MEX3C: variants seen among roughly 807,000 people sequenced by gnomAD.
MEX3C encodes the protein RNA-binding E3 ubiquitin-protein ligase MEX3C.
MEX3C carries 15 observed loss-of-function variants against 35.5 expected under a neutral mutation model. The ratio of observed to expected loss-of-function variants is 0.42; its 90% CI spans 0.28 to 0.65. The LOEUF (loss-of-function observed/expected upper bound fraction) is 0.65, where lower values mean the gene tolerates loss of function less well. Ranked by LOEUF, MEX3C falls within the 30% of genes least tolerant of loss-of-function variation. The probability of loss-of-function intolerance (pLI) is 0.20; values close to 1 mark genes in which losing one functional copy is unlikely to be tolerated. For synonymous variants in MEX3C, 390 were observed against 352.8 expected (o/e 1.11, Z -1.18); for missense variants, 711 against 842.8 (o/e 0.84, Z 1.94).
chr18:51,183,728 CT>C (rs1442423081), intron 1 of MEX3C, among the ~76,000 whole-genome samples: 1 of 152,136 alleles, frequency 6.6e-6, no homozygotes, highest in Non-Finnish European at 1.5e-5. Flanking sequence ...GCCTGTAATC[CT>C]AGCACTTTGG....
chr18:51,189,470 G>C (rs374452694), intron 1 of MEX3C, among the ~76,000 whole-genome samples: 1 of 152,140 alleles, frequency 6.6e-6, no homozygotes, highest in East Asian at 1.9e-4. Context: ...AATATTTCTA[G>C]TGTATTTTTA....
intron 1 of MEX3C, among the ~76,000 whole-genome samples, chr18:51,179,671 G>C (rs996956603): frequency 6.6e-6 from 1 of 152,198 alleles, no homozygotes; most frequent in Non-Finnish European, 1.5e-5. Flanking sequence ...TTCTACAACA[G>C]AAAATCAGTT....
At chr18:51,193,839 C>T (rs2144559621) in intron 1 of MEX3C, 1 of 152,326 alleles carries the variant, frequency 6.6e-6, no homozygotes, top group Middle Eastern at 3.4e-3. Flanking sequence ...AGGCCATCTA[C>T]ATGAGTTGCT....
At chr18:51,193,541 A>T (rs2027696) in intron 1 of MEX3C, 2 of 152,100 alleles carry the variant, frequency 1.3e-5, no homozygotes, top group African/African-American at 4.8e-5. Context: ...AAAAACAGAG[A>T]CGTTCTAAGT....
At position 51,196,848 on chromosome 18, in the gene MEX3C, G is replaced by T. The variant is rs1468174159; in HGVS notation, c.473C>A (p.Pro158Gln). The T allele has an allele frequency of 6.5e-7, 1 of 1,537,938 alleles. No individual in the cohort carries two copies. Reference sequence around the variant, plus strand: ...CAGCACAGACCCCAGGGACCCGCCCGGGATCTGCTGGGTCTGAGAGGCGGT... The same window carrying T: ...CAGCACAGACCCCAGGGACCCGCCCTGGATCTGCTGGGTCTGAGAGGCGGT... ...AATASQTQQI[P>Q]GGSLGSVLLP... The change falls in exon 1 of 2, where the codon CCG becomes CAG. Residue 158 changes from proline (P) to glutamine (Q), a missense_variant. Transcript: ENST00000406189.
Position 51,196,781 on chromosome 18 carries a change from CGCG to C in MEX3C, c.537_539del (p.Ala184del). On this transcript the variant is annotated inframe_deletion, in exon 1 of 2. Transcript: ENST00000406189. ...CGTACAGCACCCCCGCCGCCGCCGC[CGCG>C]GCCGCCGCCTCCCGGGCATCGAACC... The C allele has an allele frequency of 5.7e-6, 3 of 525,554 alleles. No individual in the cohort carries two copies. The highest frequency in any genetic ancestry group is 3.0e-5 in the South Asian group (1 of 33,580). The allele number at this position is 525,554 out of a possible 1,614,324, so 32.6% of individuals were successfully genotyped here.
At chr18:51,186,069 T>C (rs932340767) in intron 1 of MEX3C, among the ~76,000 whole-genome samples, 2 of 152,146 alleles carry the variant, frequency 1.3e-5, no homozygotes, top group African/African-American at 4.8e-5. Context: ...CCCAGCAAAA[T>C]CACTGCTTGG....
In MEX3C at chr18:51,177,581, TAGAA is replaced by T. The variant is rs774098853; in HGVS notation, c.755-9_755-6del. The T allele has an allele frequency of 3.8e-6, 6 of 1,579,196 alleles. No homozygotes were observed. Among genetic ancestry groups the T allele is most frequent in the Non-Finnish European group, 3.4e-6 (4 of 1,166,430 alleles). On this transcript the variant is annotated splice_region_variant and splice_polypyrimidine_tract_variant and intron_variant, in intron 1 of 1. Transcript: ENST00000406189. The surrounding 1 kb of genome is among the most constrained non-coding windows in gnomAD (Gnocchi z 4.2). ...TCAGTGCTTTAATTTTACAACCTGT[TAGAA>T]AGAAAACATTTCATAAGAATCAACA...
At chr18:51,196,468 C>T in intron 1 of MEX3C, 99 bp downstream of exon 1, 1 of 1,478,086 alleles carries the variant, frequency 6.8e-7, no homozygotes, top group Non-Finnish European at 8.9e-7. Flanking sequence ...ACTTGGGGGC[C>T]TCGCCGGGTT....
At chr18:51,193,236 A>T (rs1414931803) in intron 1 of MEX3C, 1 of 152,194 alleles carries the variant, frequency 6.6e-6, no homozygotes, top group Admixed American at 6.5e-5. Context: ...GAAGCTAGAG[A>T]CGACTTTTCT....
intron 1 of MEX3C, among the ~76,000 whole-genome samples, chr18:51,192,191 C>T (rs1483096361): frequency 6.6e-6 from 1 of 152,040 alleles, no homozygotes; most frequent in East Asian, 1.9e-4. Context: ...TGTTGGTAAC[C>T]AAGGGGTACA....
At position 51,176,883 on chromosome 18, in the gene MEX3C, G is replaced by A. The variant is rs1912317675; in HGVS notation, c.1448C>T (p.Thr483Ile). ...FSTGNFWFGD[T>I]LPSVGSEDLA... ...GTCTTCTGAGCCTACAGATGGTAGT[G>A]TATCTCCAAACCAGAAGTTTCCTGT... is the stretch of plus-strand genomic sequence containing the variant. The change falls in exon 2 of 2, where the codon ACA becomes ATA. Residue 483 changes from threonine to isoleucine, a missense_variant. Transcript: ENST00000406189. 6.2e-7 allele frequency: 1 copy of A among 1,614,044 alleles called. No homozygotes were observed. The highest frequency in any genetic ancestry group is 8.5e-7 in the Non-Finnish European group (1 of 1,179,900).
chr18:51,187,626 C>T (rs1256422284), intron 1 of MEX3C, among the ~76,000 whole-genome samples: 5 of 151,906 alleles, frequency 3.3e-5, no homozygotes, highest in African/African-American at 7.3e-5. Context: ...AAGAATCGCT[C>T]GAACCCGGGA....
At chr18:51,182,933 A>C (rs573621466) in intron 1 of MEX3C, among the ~76,000 whole-genome samples, 1 of 152,370 alleles carries the variant, frequency 6.6e-6, no homozygotes, top group African/African-American at 2.4e-5. Flanking sequence ...GTTTAAAACC[A>C]CTAGACAACA....
In MEX3C at chr18:51,196,827, A is replaced by C. The variant is rs1912808068; in HGVS notation, c.494T>G (p.Val165Gly). The change falls in exon 1 of 2, where the codon GTG (valine) becomes GGG (glycine). Residue 165 changes from valine (V) to glycine (G), a missense_variant. Physicochemically the swap from Val to Gly is moderately radical, Grantham distance 109 (BLOSUM62 -3). Coordinates refer to ENST00000406189, the MANE Select transcript of MEX3C (RefSeq NM_016626.5). ...QQIPGGSLGS[V>G]LLPAARFDAR... The stretch of plus-strand genomic sequence containing the variant: ...ATCGAACCTGGCGGCTGGCAGCAGC[A>C]CAGACCCCAGGGACCCGCCCGGGAT... 6.5e-7 allele frequency: 1 copy of C among 1,534,900 alleles called. No individual in the cohort carries two copies. Among genetic ancestry groups the C allele is most frequent in the Non-Finnish European group, 8.7e-7 (1 of 1,145,026 alleles).
intron 1 of MEX3C, among the ~76,000 whole-genome samples, chr18:51,183,284 G>T (rs73960375): frequency 0.1 from 15,262 of 152,090 alleles, 898 homozygotes; most frequent in African/African-American, 0.16. Flanking sequence ...TTTAAACCAC[G>T]GTTCATTTAG....
At chr18:51,194,674 T>C (rs376670972) in intron 1 of MEX3C, 1 of 152,374 alleles carries the variant, frequency 6.6e-6, no homozygotes, top group East Asian at 1.9e-4. Flanking sequence ...AAATGTTTTC[T>C]TCCTTTGTTA....
rs1912610820 is a variant in MEX3C at position 51,189,565 on chromosome 18, A to AT, written c.754+7001dup. Among the ~76,000 whole-genome samples, 3 of 152,274 alleles carry AT rather than the reference A, an allele frequency of 2.0e-5. No individual in the cohort carries two copies. The East Asian group carries it at 5.8e-4, about 29-fold the overall frequency. On this transcript the variant is annotated intron_variant, in intron 1 of 1. Transcript: ENST00000406189. ...ATCTAAAACCCCTCTTTTTTCACTT[A>AT]TTTTAGACAAGACAATAAAAAATAT...
chr18:51,196,680 G>A lies in MEX3C; in HGVS notation c.641C>T (p.Ala214Val), dbSNP rs1912798265. ...CGCCTGCTCCCCGTTCAGGGCGGCC[G>A]CCGCCGCCCCACAACCGCCGGGGCC... is the stretch of plus-strand genomic sequence containing the variant. Reference protein sequence around the residue: ...AYGPGGCGAAAAALNGEQAAL... With the variant: ...AYGPGGCGAAVAALNGEQAAL... The change falls in exon 1 of 2, where the codon GCG becomes GTG. Residue 214 changes from alanine (A) to valine (V), a missense_variant. Coordinates refer to ENST00000406189, the MANE Select transcript of MEX3C (RefSeq NM_016626.5). 1.9e-6 allele frequency: 3 copies of A among 1,545,280 alleles called. No homozygotes were observed. The South Asian group carries it at 3.5e-5, about 18-fold the overall frequency.
Sources: gnomAD v4.1 joint callset for allele counts (sites outside exome capture counted in the v4.1 genomes callset) on GRCh38, gnomAD v4.1.1 for gene constraint, Gnocchi (gnomAD v3.1) non-coding constraint, MANE v1.5 for transcripts, NCBI Gene and HGNC (gene_info 2026-07-23, HGNC 2026-07-21) for gene names.